Variants in MYO1D observed in about 807,000 individuals in gnomAD.
MYO1D encodes the protein unconventional myosin-Id.
In MYO1D, 83 loss-of-function variants were observed where a neutral mutation model predicts 122.0. That is an observed-to-expected ratio of 0.68 (90% confidence interval 0.57 to 0.82). The LOEUF (loss-of-function observed/expected upper bound fraction) is 0.82. Among genes scored for constraint, MYO1D ranks in the 40% least tolerant of loss-of-function variants. The probability of loss-of-function intolerance (pLI) is 0.00; values close to 1 mark genes in which losing one functional copy is unlikely to be tolerated. For missense variants in MYO1D, 1,157 were observed against 1,269.5 expected (o/e 0.91, Z 1.35); for synonymous variants, 464 against 446.9 (o/e 1.04, Z -0.48).
chr17:32,664,466 T>C (rs1468648837), intron 16 of MYO1D, among the ~76,000 whole-genome samples: 3 of 152,200 alleles, frequency 2.0e-5, no homozygotes, highest in African/African-American at 7.2e-5. Flanking sequence ...TTAATACTTA[T>C]TTGCATATGG....
At chr17:32,532,456 A>C (rs978317168) in intron 21 of MYO1D, among the ~76,000 whole-genome samples, 2 of 152,176 alleles carry the variant, frequency 1.3e-5, no homozygotes, top group African/African-American at 2.4e-5. Context: ...GGCCGGACAC[A>C]GTGGCTCATG....
At chr17:32,710,209 A>C (rs2089358051) in intron 16 of MYO1D, among the ~76,000 whole-genome samples, 1 of 152,184 alleles carries the variant, frequency 6.6e-6, no homozygotes, top group African/African-American at 2.4e-5. Context: ...TAGTGCAAAA[A>C]CAGGCAAATA....
intron 1 of MYO1D, among the ~76,000 whole-genome samples, chr17:32,842,964 C>T (rs2090898192): frequency 6.9e-6 from 1 of 145,046 alleles, no homozygotes; most frequent in Admixed American, 7.1e-5. Context: ...TCTCAGCTCA[C>T]TGCAACCTCT....
chr17:32,720,975 C>T lies in MYO1D; in HGVS notation c.1913+48G>A, dbSNP rs769530290. The T allele has an allele frequency of 1.9e-6, 3 of 1,550,030 alleles. No homozygotes were observed. In the Admixed American group the frequency reaches 5.8e-5, roughly 30 times the overall value. On this transcript the variant is annotated intron_variant, in intron 15 of 21. Transcript: ENST00000318217. ...CTGATGCACTATTGTACGGGGAGGACTCCCTTATTCTCAGTGAACTAGGCC... is the reference window on the plus strand; with the variant it reads ...CTGATGCACTATTGTACGGGGAGGATTCCCTTATTCTCAGTGAACTAGGCC...
intron 1 of MYO1D, among the ~76,000 whole-genome samples, chr17:32,871,806 C>T (rs553433384): frequency 6.6e-6 from 1 of 152,334 alleles, no homozygotes; most frequent in South Asian, 2.1e-4. Context: ...ATGCAAGCAG[C>T]TTGCCCTGGC....
intron 1 of MYO1D, among the ~76,000 whole-genome samples, chr17:32,838,349 C>T (rs1041823411): frequency 6.6e-6 from 1 of 152,068 alleles, no homozygotes; most frequent in Non-Finnish European, 1.5e-5. Context: ...TTTTTAGACA[C>T]GAAATAGTCT....
intron 20 of MYO1D, among the ~76,000 whole-genome samples, chr17:32,632,955 C>T (rs866232354): frequency 5.7e-4 from 86 of 152,084 alleles, no homozygotes; most frequent in African/African-American, 1.9e-3. Context: ...TGATCTCCCC[C>T]GCACAGAACA....
At chr17:32,597,891 A>G (rs1406876096) in intron 21 of MYO1D, among the ~76,000 whole-genome samples, 1 of 150,556 alleles carries the variant, frequency 6.6e-6, no homozygotes, top group Admixed American at 6.6e-5. Context: ...AAAAAAAAAA[A>G]AGAAATCTCG....
chr17:32,508,853 C>T (rs377632085), intron 21 of MYO1D, among the ~76,000 whole-genome samples: 4 of 152,218 alleles, frequency 2.6e-5, no homozygotes, highest in African/African-American at 7.2e-5. Flanking sequence ...CATCATTAGC[C>T]GTGGTCCCTG....
In MYO1D at chr17:32,651,164, C is replaced by T. The variant is rs138871869; in HGVS notation, c.2595+2679G>A. 2.6e-3 allele frequency among the ~76,000 whole-genome samples: 390 copies of T among 152,276 alleles called. 2 individuals are homozygous for T. The highest frequency in any genetic ancestry group is 9.1e-3 in the African/African-American group (380 of 41,558). ...GGCAATCTCTTGTCAGTACTCTATT[C>T]GGTGCCTCATAAATCATGAGGTTTT... On this transcript the variant is annotated intron_variant, in intron 19 of 21. Coordinates refer to ENST00000318217, the MANE Select transcript of MYO1D (RefSeq NM_015194.3).
chr17:32,860,403 G>C (rs559862664), intron 1 of MYO1D, among the ~76,000 whole-genome samples: 1 of 152,330 alleles, frequency 6.6e-6, no homozygotes, highest in African/African-American at 2.4e-5. Flanking sequence ...GGTGTGATAA[G>C]CTAGGGAACT....
At chr17:32,745,183 G>T in intron 13 of MYO1D, 28 bp downstream of exon 13, 2 of 1,224,166 alleles carry the variant, frequency 1.6e-6, no homozygotes, top group African/African-American at 1.5e-5. Context: ...GCTTAATCTA[G>T]AGTTAATTAA....
chr17:32,702,515 T>A (rs1252469740), intron 16 of MYO1D, among the ~76,000 whole-genome samples: 2 of 152,166 alleles, frequency 1.3e-5, no homozygotes, highest in South Asian at 2.1e-4. Flanking sequence ...CTTTTTCATA[T>A]CTTTTTCTCT....
chr17:32,565,259 C>T (rs2150892564), intron 21 of MYO1D, among the ~76,000 whole-genome samples: 1 of 152,324 alleles, frequency 6.6e-6, no homozygotes, highest in East Asian at 1.9e-4. Context: ...CTGCCTCGGC[C>T]TCCCAAAGTG....
intron 21 of MYO1D, among the ~76,000 whole-genome samples, chr17:32,569,667 A>C (rs1035223046): frequency 6.6e-6 from 1 of 152,208 alleles, no homozygotes; most frequent in South Asian, 2.1e-4. Flanking sequence ...TGGAGAGATG[A>C]GCAATGATTG....
chr17:32,777,474 A>G (rs2090185904), intron 3 of MYO1D, among the ~76,000 whole-genome samples: 1 of 152,138 alleles, frequency 6.6e-6, no homozygotes, highest in African/African-American at 2.4e-5. Flanking sequence ...TGCACCACAT[A>G]AGAAAGTGAG....
chr17:32,626,480 G>C (rs1304859311), intron 20 of MYO1D, among the ~76,000 whole-genome samples: 1 of 152,136 alleles, frequency 6.6e-6, no homozygotes, highest in Non-Finnish European at 1.5e-5. Context: ...TGGCCCTAGT[G>C]GTTGGTGCTT....
chr17:32,563,204 C>CTTTTTTTTTTT (rs749819200), intron 21 of MYO1D, among the ~76,000 whole-genome samples: 8 of 105,134 alleles, frequency 7.6e-5, no homozygotes, highest in East Asian at 2.7e-4. Flanking sequence ...TTTTTCTTCT[C>CTTTTTTTTTTT]TCTTTTTTTT....
chr17:32,837,647 T>C (rs150067432), intron 1 of MYO1D, among the ~76,000 whole-genome samples: 86 of 152,286 alleles, frequency 5.6e-4, no homozygotes, highest in African/African-American at 1.9e-3. Context: ...CACAACCATT[T>C]GGTATTGATG....
Sources: gnomAD v4.1 joint callset for allele counts (sites outside exome capture counted in the v4.1 genomes callset) on GRCh38, gnomAD v4.1.1 for gene constraint, MANE v1.5 for transcripts, NCBI Gene and HGNC (gene_info 2026-07-23, HGNC 2026-07-21) for gene names.